The following ERAP1 variants were observed in gnomAD, a reference collection of about 807,000 sequenced individuals.
ERAP1 encodes endoplasmic reticulum aminopeptidase 1.
In ERAP1, 86 loss-of-function variants were observed where a neutral mutation model predicts 103.7. The ratio of observed to expected loss-of-function variants is 0.83; its 90% confidence interval spans 0.70 to 0.99. The LOEUF is 0.99. ERAP1 is among the 50% of genes least tolerant of loss of function. The pLI is 0.00. For synonymous variants in ERAP1, 398 were observed against 402.4 expected (o/e 0.99, Z 0.13); for missense variants, 1,009 against 1,128.4 (o/e 0.89, Z 1.52).
chr5:96,861,927 A>T, the ERAP1 span, among the ~76,000 whole-genome samples: 1 of 152,196 alleles, frequency 6.6e-6, no homozygotes, highest in Non-Finnish European at 1.5e-5. Context: ...TGAAATTTAA[A>T]GCATCCCATT....
the ERAP1 span, among the ~76,000 whole-genome samples, chr5:96,818,893 C>CATTTATTTATTT: frequency 4.5e-4 from 64 of 141,844 alleles, no homozygotes; most frequent in African/African-American, 1.1e-3. Flanking sequence ...ACCTGAACTG[C>CATTTATTTATTT]ATTTATTTAT....
chr5:96,900,025 A>G, the ERAP1 span: 1 of 1,376,674 alleles, frequency 7.3e-7, no homozygotes. Flanking sequence ...TATTTCATAT[A>G]GCTCTTTTAA....
At chr5:96,805,083 A>C (rs1778428527) in intron 1 of ERAP1, 1 of 151,530 alleles carries the variant, frequency 6.6e-6, no homozygotes, top group African/African-American at 2.4e-5. Flanking sequence ...ATACCAGGTG[A>C]ATGCAAGTGA....
chr5:96,886,614 TC>T, the ERAP1 span: 2 of 1,451,000 alleles, frequency 1.4e-6, no homozygotes, highest in Non-Finnish European at 1.9e-6. Context: ...TATGAAATAC[TC>T]CAGTTTTCAA....
the ERAP1 span, among the ~76,000 whole-genome samples, chr5:96,923,256 A>C: frequency 6.6e-6 from 1 of 152,198 alleles, no homozygotes; most frequent in East Asian, 1.9e-4. Context: ...GGTGTGAGCC[A>C]CCACGCCAGG....
chr5:96,836,994 CA>C, the ERAP1 span, among the ~76,000 whole-genome samples: 6 of 151,908 alleles, frequency 3.9e-5, no homozygotes, highest in African/African-American at 1.5e-4. Context: ...ATTTCTGTTT[CA>C]AAAAATTATG....
chr5:96,868,218 C>T, the ERAP1 span, among the ~76,000 whole-genome samples: 1 of 152,190 alleles, frequency 6.6e-6, no homozygotes. Flanking sequence ...GCACAGAAGC[C>T]ACCTCCCTTC....
Position 96,775,112 on chromosome 5 carries a change from A to AGAAAT in ERAP1, c.*1279_*1283dup, listed in dbSNP as rs528810851. ...CCCTGTGTAGCAAGTTTTCAGAATA[A>AGAAAT]GAAATAAAATCTAATTCTTAGGGTA... is the stretch of plus-strand genomic sequence containing the variant. On this transcript the variant is annotated 3_prime_UTR_variant, in exon 19 of 19. Coordinates refer to ENST00000443439, the MANE Select transcript of ERAP1 (RefSeq NM_001040458.3). 2.1e-4 allele frequency: 210 copies of AGAAAT among 985,578 alleles called. 2 individuals carry two copies. In the South Asian group the frequency reaches 8.7e-3, roughly 41 times the overall value. The allele number at this position is 985,578 out of a possible 1,614,324, so 61.1% of individuals were successfully genotyped here.
the ERAP1 span, among the ~76,000 whole-genome samples, chr5:96,854,532 T>C: frequency 1.3e-5 from 2 of 152,290 alleles, no homozygotes; most frequent in African/African-American, 2.4e-5. Flanking sequence ...CATCTTACAA[T>C]GATACCATGT....
the ERAP1 span, chr5:96,892,577 T>C: frequency 1.8e-6 from 2 of 1,102,798 alleles, no homozygotes; most frequent in East Asian, 2.5e-5. Context: ...TAGAGACTAC[T>C]AAACCTAACA....
the ERAP1 span, among the ~76,000 whole-genome samples, chr5:96,910,911 A>T: frequency 6.6e-6 from 1 of 152,218 alleles, no homozygotes; most frequent in African/African-American, 2.4e-5. Flanking sequence ...GAACAAAACA[A>T]CCATGTGGCC....
chr5:96,776,511 T>G lies in ERAP1; in HGVS notation c.2711A>C (p.Gln904Pro), dbSNP rs1280598817. ...FFSSLKENGS[Q>P]LRCVQQTIET... ...AATTGTCTGTTGGACACAACGGAGC[T>G]GAGAACCATTTTCTTTCAAAGAGCT... The change falls in exon 19 of 19, where the codon CAG (glutamine) becomes CCG (proline). Residue 904 changes from glutamine (Q) to proline (P), a missense_variant. Gln to Pro is a moderately conservative substitution (Grantham distance 76). Around this residue, in one of 3 missense-constraint regions of ERAP1, gnomAD observed 611 missense variants for 651.7 expected, o/e 0.94. Coordinates refer to ENST00000443439, the MANE Select transcript of ERAP1 (RefSeq NM_001040458.3). 1 of 1,614,164 alleles carries G rather than the reference T, an allele frequency of 6.2e-7. No individual in the cohort carries two copies. Among genetic ancestry groups the G allele is most frequent in the Admixed American group, 1.7e-5 (1 of 60,026 alleles).
At chr5:96,885,150 C>T in the ERAP1 span, among the ~76,000 whole-genome samples, 2 of 152,194 alleles carry the variant, frequency 1.3e-5, no homozygotes, top group East Asian at 3.9e-4. Context: ...TCTCTGCCAC[C>T]AGCCTTCTAG....
chr5:96,909,186 T>A, the ERAP1 span: 127 of 1,506,296 alleles, frequency 8.4e-5, no homozygotes, highest in Non-Finnish European at 1.1e-4. Context: ...AGGCTCAGTT[T>A]GTTTTGTGTG....
rs974942691 is a variant in ERAP1, at chr5:96,776,296, T to C, written c.*100A>G. On this transcript the variant is annotated 3_prime_UTR_variant, in exon 19 of 19. Coordinates refer to ENST00000443439, the MANE Select transcript of ERAP1 (RefSeq NM_001040458.3). ...AAAAAATGAGTTGAAGGGAAAAAAGTATCTCCAGTTGGAGCCAAAACAGCC... is the reference window on the plus strand; with the variant it reads ...AAAAAATGAGTTGAAGGGAAAAAAGCATCTCCAGTTGGAGCCAAAACAGCC... 8 of 1,541,524 alleles carry C rather than the reference T, an allele frequency of 5.2e-6. No homozygotes were observed. The highest frequency in any genetic ancestry group is 6.1e-6 in the Non-Finnish European group (7 of 1,148,908).
the ERAP1 span, chr5:96,873,620 A>G: frequency 1.9e-5 from 7 of 367,148 alleles, no homozygotes; most frequent in South Asian, 1.4e-4. Context: ...TGGCTCATCC[A>G]GAAGTGGAAA....
intron 10 of ERAP1, among the ~76,000 whole-genome samples, chr5:96,789,379 T>C (rs539454368): frequency 6.6e-6 from 1 of 151,630 alleles, no homozygotes; most frequent in African/African-American, 2.4e-5. Context: ...CCCGGCTACC[T>C]GGGAGGCTGA....
chr5:96,920,131 C>T, the ERAP1 span, among the ~76,000 whole-genome samples: 2 of 150,512 alleles, frequency 1.3e-5, no homozygotes, highest in East Asian at 2.0e-4. Flanking sequence ...GGCAACATGG[C>T]GAAACCGTTT....
At position 96,803,486 on chromosome 5, in the gene ERAP1, A is replaced by T; in HGVS notation, c.441T>A (p.Val147=). The T allele has an allele frequency of 6.2e-7, 1 of 1,613,678 alleles. No homozygotes were observed. Among genetic ancestry groups the T allele is most frequent in the Non-Finnish European group, 8.5e-7 (1 of 1,179,910 alleles). ...AAAGATTGCCAGCATAGTGAATGACAACTGTGTACGGGAGCCCGACAAGGA... is the reference window on the plus strand; with the variant it reads ...AAAGATTGCCAGCATAGTGAATGACTACTGTGTACGGGAGCCCGACAAGGA... ...EPLLVGLPYT[V]VIHYAGNLSE... is the part of the protein sequence containing the mutation. Residue 147 remains valine, a synonymous_variant, in exon 2 of 19, where the codon GTT becomes GTA. Transcript: ENST00000443439.
Sources: allele counts gnomAD v4.1 joint callset (sites outside exome capture counted in the v4.1 genomes callset), GRCh38; gene constraint gnomAD v4.1.1; regional missense constraint gnomAD v4.1.1; transcripts MANE v1.5; gene names NCBI Gene and HGNC (gene_info 2026-07-23, HGNC 2026-07-21).